FMN1: variants seen among roughly 807,000 people sequenced by gnomAD.
FMN1 encodes the protein formin-1.
A neutral mutation model predicts 132.4 loss-of-function variants in FMN1; 110 were observed. The ratio of observed to expected loss-of-function variants is 0.83; its 90% CI spans 0.71 to 0.97. FMN1 has a LOEUF of 0.97. FMN1 is among the 50% of genes least tolerant of loss of function. The pLI, the probability that FMN1 is intolerant of heterozygous loss-of-function variation, is 0.00. For synonymous variants in FMN1, 722 were observed against 651.7 expected (o/e 1.11, Z -1.64); for missense variants, 1,792 against 1,705.3 (o/e 1.05, Z -0.90).
chr15:33,002,277 T>C (rs1447464512), intron 7 of FMN1, among the ~76,000 whole-genome samples: 1 of 152,162 alleles, frequency 6.6e-6, no homozygotes, highest in Non-Finnish European at 1.5e-5. Context: ...ATAACTTGTA[T>C]ATGGAGAAAG....
Position 32,908,547 on chromosome 15 carries a change from C to T in FMN1, c.3320G>A (p.Arg1107Lys). The stretch of plus-strand genomic sequence containing the variant: ...TTCTTTGGATGTCTCGTAATACTTT[C>T]TTATTTTAACCAGCTCATCCTCTTG... ...RAQEDELVKIRKYYETSKEEE... is the reference protein window; with the variant it reads ...RAQEDELVKIKKYYETSKEEE... The change falls in exon 12 of 21, where the codon AGA becomes AAA. Residue 1107 changes from arginine to lysine, a missense_variant. Transcript: ENST00000616417. 6.3e-7 allele frequency: 1 copy of T among 1,581,578 alleles called. No individual in the cohort carries two copies. The highest frequency in any genetic ancestry group is 1.1e-5 in the South Asian group (1 of 90,376).
At chr15:32,919,205 C>G (rs2060759295) in intron 10 of FMN1, among the ~76,000 whole-genome samples, 1 of 152,020 alleles carries the variant, frequency 6.6e-6, no homozygotes, top group Admixed American at 6.6e-5. Context: ...CTGGTTTTAA[C>G]TAAACTTCAC....
intron 19 of FMN1, among the ~76,000 whole-genome samples, chr15:32,790,772 A>G (rs2057048619): frequency 6.6e-6 from 1 of 152,214 alleles, no homozygotes. Flanking sequence ...AAGATCTTCA[A>G]TGCTCTTTCA....
intron 17 of FMN1, among the ~76,000 whole-genome samples, chr15:32,815,101 C>G (rs1293339100): frequency 6.6e-6 from 1 of 152,110 alleles, no homozygotes; most frequent in Admixed American, 6.6e-5. Flanking sequence ...CGCCACCACG[C>G]CCGGCTAATT....
chr15:32,800,797 G>A (rs1310994814), intron 18 of FMN1, among the ~76,000 whole-genome samples: 1 of 152,166 alleles, frequency 6.6e-6, no homozygotes, highest in African/African-American at 2.4e-5. Flanking sequence ...AATAACACAG[G>A]CATTTAAGAG....
chr15:33,181,101 C>T (rs182905856), intron 2 of FMN1, among the ~76,000 whole-genome samples: 21 of 152,242 alleles, frequency 1.4e-4, no homozygotes, highest in South Asian at 6.2e-4. Flanking sequence ...TGAAAGGCTC[C>T]GTGTGGTCAG....
chr15:33,114,912 T>C (rs116523760), intron 4 of FMN1, among the ~76,000 whole-genome samples: 1,041 of 102,320 alleles, frequency 0.01, 12 homozygotes, highest in African/African-American at 0.026. Context: ...TCTACGTTAC[T>C]GTCCAGCCAG....
chr15:32,825,659 G>C (rs1263726748), intron 17 of FMN1, among the ~76,000 whole-genome samples: 1 of 152,196 alleles, frequency 6.6e-6, no homozygotes, highest in African/African-American at 2.4e-5. Flanking sequence ...TCCTGTTCAT[G>C]ACTATATAAA....
At chr15:32,830,094 A>G (rs1158773852) in intron 17 of FMN1, among the ~76,000 whole-genome samples, 1 of 152,222 alleles carries the variant, frequency 6.6e-6, no homozygotes, top group African/African-American at 2.4e-5. Flanking sequence ...CTCTGAATAC[A>G]GGATCATCCC....
intron 4 of FMN1, among the ~76,000 whole-genome samples, chr15:33,118,812 T>C (rs963947265): frequency 6.6e-6 from 1 of 151,876 alleles, no homozygotes; most frequent in African/African-American, 2.4e-5. Context: ...AAGAATGGTA[T>C]AAAATCTTTA....
intron 17 of FMN1, among the ~76,000 whole-genome samples, chr15:32,824,033 T>C (rs904185837): frequency 2.0e-5 from 3 of 152,204 alleles, no homozygotes; most frequent in African/African-American, 7.2e-5. Context: ...AAATAAGATT[T>C]CACTGAAGTG....
intron 19 of FMN1, among the ~76,000 whole-genome samples, chr15:32,787,780 G>A (rs1042073453): frequency 6.6e-6 from 1 of 152,136 alleles, no homozygotes; most frequent in South Asian, 2.1e-4. Flanking sequence ...TTGATCCCAG[G>A]AATTGGAGGT....
At position 33,066,603 on chromosome 15, in the gene FMN1, T is replaced by C. The variant is rs376656370; in HGVS notation, c.2044-1529A>G. ...TCCTTCTCATGTCTCATCTTGCGCT[T>C]GAGAGCTTCCAGCTCAGAGGTGTCA... On this transcript the variant is annotated intron_variant, in intron 5 of 20. Transcript: ENST00000616417. 3.0e-5 allele frequency: 48 copies of C among 1,613,652 alleles called. 1 individual carries two copies. The highest frequency in any genetic ancestry group is 3.1e-5 in the Non-Finnish European group (37 of 1,179,848).
chr15:33,066,224 T>A (rs1429751853), intron 5 of FMN1, among the ~76,000 whole-genome samples: 2 of 152,204 alleles, frequency 1.3e-5, no homozygotes, highest in Non-Finnish European at 2.9e-5. Flanking sequence ...CCTAGTTTTA[T>A]AAGTGCGTTT....
At chr15:32,898,615 T>A (rs1567350953) in intron 15 of FMN1, among the ~76,000 whole-genome samples, 2 of 152,196 alleles carry the variant, frequency 1.3e-5, no homozygotes, top group Admixed American at 6.5e-5. Context: ...TGTGTTATAG[T>A]CGATTGAGAC....
At chr15:32,938,709 A>G (rs1205142689) in intron 9 of FMN1, among the ~76,000 whole-genome samples, 2 of 152,320 alleles carry the variant, frequency 1.3e-5, no homozygotes, top group East Asian at 3.9e-4. Context: ...TACCCTGCCA[A>G]GTATTTGAGA....
At chr15:32,866,929 CAG>C (rs1411668172) in intron 16 of FMN1, among the ~76,000 whole-genome samples, 20 of 152,192 alleles carry the variant, frequency 1.3e-4, no homozygotes, top group African/African-American at 3.1e-4. Flanking sequence ...TCTTCCTATA[CAG>C]AGTCATTAAA....
intron 17 of FMN1, among the ~76,000 whole-genome samples, chr15:32,822,347 C>CACAAACAAACAA (rs141916370): frequency 2.0e-5 from 3 of 152,076 alleles, no homozygotes; most frequent in Non-Finnish European, 4.4e-5. Context: ...GAGAGTCTGT[C>CACAAACAAACAA]ACAAACAAAC....
chr15:32,981,194 AAATT>A (rs2032625841), intron 7 of FMN1, among the ~76,000 whole-genome samples: 1 of 152,060 alleles, frequency 6.6e-6, no homozygotes, highest in African/African-American at 2.4e-5. Flanking sequence ...TATTACATTC[AAATT>A]AATTAAATTC....
Sources: allele counts gnomAD v4.1 joint callset (sites outside exome capture counted in the v4.1 genomes callset), GRCh38; gene constraint gnomAD v4.1.1; transcripts MANE v1.5; gene names NCBI Gene and HGNC (gene_info 2026-07-23, HGNC 2026-07-21).